The following FBXW11 variants were observed in gnomAD, a reference collection of about 807,000 sequenced individuals.
The protein encoded by FBXW11 is F-box/WD repeat-containing protein 11.
A neutral mutation model predicts 77.6 loss-of-function variants in FBXW11; 19 were observed. That is an observed-to-expected ratio of 0.24 (90% CI 0.17 to 0.36). The LOEUF (loss-of-function observed/expected upper bound fraction) is 0.36. Ranked by LOEUF, FBXW11 falls within the 10% of genes least tolerant of loss-of-function variation. FBXW11 has a pLI of 1.00. For missense variants in FBXW11, 334 were observed against 704.2 expected, an observed-to-expected ratio of 0.47 and a Z score of 5.95; for synonymous variants, 235 against 249.4, an observed-to-expected ratio of 0.94 and a Z score of 0.54.
At chr5:171,931,651 G>A (rs1362806122) in intron 2 of FBXW11, among the ~76,000 whole-genome samples, 1 of 152,150 alleles carries the variant, frequency 6.6e-6, no homozygotes, top group Non-Finnish European at 1.5e-5. Context: ...CACAATCCAT[G>A]AAGAATTATT....
chr5:171,952,447 A>ATATATATATATATATT (rs1200841290), intron 2 of FBXW11, among the ~76,000 whole-genome samples: 1 of 6,948 alleles, frequency 1.4e-4, no homozygotes, highest in African/African-American at 3.4e-4. Context: ...ATATATATAT[A>ATATATATATATATATT]TTTTTTTTTT....
At chr5:171,997,520 G>C (rs78972934) in intron 1 of FBXW11, among the ~76,000 whole-genome samples, 3,225 of 152,244 alleles carry the variant, frequency 0.021, 120 homozygotes, top group African/African-American at 0.073. Context: ...GTTTTGGTTT[G>C]CTACATATAA....
chr5:171,923,382 G>A (rs1761705372), intron 2 of FBXW11, among the ~76,000 whole-genome samples: 1 of 152,156 alleles, frequency 6.6e-6, no homozygotes, highest in African/African-American at 2.4e-5. Flanking sequence ...TTGATAAACA[G>A]AAGTAATAAA....
chr5:171,897,900 T>C (rs1327701123), intron 6 of FBXW11, among the ~76,000 whole-genome samples: 1 of 152,150 alleles, frequency 6.6e-6, no homozygotes, highest in East Asian at 1.9e-4. Flanking sequence ...TAACACCATG[T>C]CTCAGCCACT....
intron 1 of FBXW11, among the ~76,000 whole-genome samples, chr5:171,971,931 C>T (rs1197937629): frequency 6.6e-6 from 1 of 151,302 alleles, no homozygotes; most frequent in Non-Finnish European, 1.5e-5. Flanking sequence ...CTGCAGTGAG[C>T]CGAGATTGTG....
At position 171,952,438 on chromosome 5, in the gene FBXW11, TA is replaced by T. The variant is rs1172443347; in HGVS notation, c.147+5158del. On this transcript the variant is annotated intron_variant, in intron 2 of 13. Coordinates refer to ENST00000517395, the MANE Select transcript of FBXW11 (RefSeq NM_001378974.1). ...GTGTACATACATATATATATATATA[TA>T]TATATATATTTTTTTTTTTTTTTTT... is the stretch of plus-strand genomic sequence containing the variant. Among the ~76,000 whole-genome samples, 157 of 20,912 alleles carry T rather than the reference TA, an allele frequency of 7.5e-3. 1 individual carries two copies. The highest frequency in any genetic ancestry group is 0.022 in the African/African-American group (138 of 6,190). 13.7% of individuals were successfully genotyped at this position (20,912 alleles called of 152,430 possible). A position where few individuals can be genotyped will look rare whatever the true frequency, so the allele number is the denominator to read the frequency against.
At chr5:171,966,612 T>C (rs1288168449) in intron 1 of FBXW11, among the ~76,000 whole-genome samples, 1 of 152,048 alleles carries the variant, frequency 6.6e-6, no homozygotes, top group Non-Finnish European at 1.5e-5. Context: ...AAGCTCAAGG[T>C]TAAATCAGTC....
intron 2 of FBXW11, among the ~76,000 whole-genome samples, chr5:171,920,501 G>A (rs775952494): frequency 4.6e-5 from 7 of 151,390 alleles, no homozygotes; most frequent in Non-Finnish European, 1.0e-4. Flanking sequence ...CGAGGGAGGA[G>A]GACTGCCTGA....
At chr5:171,935,265 G>A (rs1762416219) in intron 2 of FBXW11, among the ~76,000 whole-genome samples, 1 of 152,134 alleles carries the variant, frequency 6.6e-6, no homozygotes, top group South Asian at 2.1e-4. Flanking sequence ...CCGGTAGCGT[G>A]TTTCTTTTGG....
chr5:171,994,124 A>C (rs1379899279), intron 1 of FBXW11, among the ~76,000 whole-genome samples: 1 of 152,232 alleles, frequency 6.6e-6, no homozygotes, highest in Non-Finnish European at 1.5e-5. Context: ...GATTTCTTGA[A>C]ATCAGAATAT....
At chr5:171,986,144 A>G (rs113012099) in intron 1 of FBXW11, among the ~76,000 whole-genome samples, 4,004 of 152,308 alleles carry the variant, frequency 0.026, 167 homozygotes, top group African/African-American at 0.091. Flanking sequence ...GCGGTGGCTC[A>G]CATCTATAAT....
intron 2 of FBXW11, among the ~76,000 whole-genome samples, chr5:171,921,020 G>C (rs1761562675): frequency 6.6e-6 from 1 of 152,144 alleles, no homozygotes; most frequent in Admixed American, 6.5e-5. Context: ...AACTTGTCAA[G>C]ATGTTTTCAT....
intron 1 of FBXW11, among the ~76,000 whole-genome samples, chr5:172,000,516 G>A (rs558133415): frequency 2.6e-5 from 4 of 152,290 alleles, no homozygotes; most frequent in African/African-American, 9.6e-5. Context: ...CTCATTAAAT[G>A]TATGGCTAAA....
chr5:171,972,164 C>T (rs1188486382), intron 1 of FBXW11, among the ~76,000 whole-genome samples: 1 of 149,148 alleles, frequency 6.7e-6, no homozygotes, highest in Non-Finnish European at 1.5e-5. Context: ...CCTGGGAAGT[C>T]GAGGCTGCAG....
intron 1 of FBXW11, among the ~76,000 whole-genome samples, chr5:171,959,375 T>C (rs978438010): frequency 4.6e-5 from 7 of 152,166 alleles, no homozygotes; most frequent in African/African-American, 1.4e-4. Context: ...TTCTGTTATG[T>C]GCTAGACAGC....
At chr5:171,931,153 T>C (rs1177494188) in intron 2 of FBXW11, among the ~76,000 whole-genome samples, 3 of 152,202 alleles carry the variant, frequency 2.0e-5, no homozygotes, top group Non-Finnish European at 2.9e-5. Context: ...CAAGTTACTT[T>C]GTGGATATTG....
At chr5:171,959,821 G>C (rs577113172) in intron 1 of FBXW11, among the ~76,000 whole-genome samples, 5 of 145,328 alleles carry the variant, frequency 3.4e-5, no homozygotes, top group Non-Finnish European at 7.4e-5. Flanking sequence ...CTGCACTCCA[G>C]CCCAAGCGAC....
At chr5:171,934,951 TTTTG>T (rs1451057210) in intron 2 of FBXW11, among the ~76,000 whole-genome samples, 1 of 151,916 alleles carries the variant, frequency 6.6e-6, no homozygotes, top group Non-Finnish European at 1.5e-5. Context: ...CAGTGGTTTT[TTTTG>T]TTTGTTTTTT....
chr5:171,888,025 G>A (rs572841313), intron 7 of FBXW11, among the ~76,000 whole-genome samples: 1 of 152,208 alleles, frequency 6.6e-6, no homozygotes, highest in African/African-American at 2.4e-5. Context: ...GCTATACAGT[G>A]AAATAGCAAA....
Sources: allele counts gnomAD v4.1 joint callset (sites outside exome capture counted in the v4.1 genomes callset), GRCh38; gene constraint gnomAD v4.1.1; transcripts MANE v1.5; gene names NCBI Gene and HGNC (gene_info 2026-07-23, HGNC 2026-07-21).